USP13: variants seen among roughly 807,000 people sequenced by gnomAD.
The protein encoded by USP13 is ubiquitin carboxyl-terminal hydrolase 13.
In USP13, 68 loss-of-function variants were observed where a neutral mutation model predicts 107.8. That is an observed-to-expected ratio of 0.63 (90% CI 0.52 to 0.77). USP13 has a LOEUF of 0.77. Ranked by LOEUF, USP13 falls within the 30% of genes least tolerant of loss-of-function variation. The pLI is 0.00. For missense variants in USP13, 945 were observed against 1,093.3 expected (o/e 0.86, Z 1.91); for synonymous variants, 377 against 389.5 (o/e 0.97, Z 0.38).
At chr3:179,753,798 C>T (rs1180420558) in intron 14 of USP13, among the ~76,000 whole-genome samples, 1 of 152,140 alleles carries the variant, frequency 6.6e-6, no homozygotes, top group Non-Finnish European at 1.5e-5. Context: ...AAGATGTATC[C>T]TGTACCAATA....
intron 4 of USP13, among the ~76,000 whole-genome samples, chr3:179,701,780 C>T (rs1335713800): frequency 6.6e-6 from 1 of 151,992 alleles, no homozygotes; most frequent in African/African-American, 2.4e-5. Context: ...CTTCCTTTTC[C>T]TTTCTTTCGA....
chr3:179,767,581 C>T (rs1328763124), intron 19 of USP13, among the ~76,000 whole-genome samples: 3 of 152,148 alleles, frequency 2.0e-5, no homozygotes, highest in African/African-American at 2.4e-5. Context: ...TGGGCCACCA[C>T]GCTCCCTTGT....
intron 1 of USP13, among the ~76,000 whole-genome samples, chr3:179,657,744 CAG>C (rs1269167900): frequency 1.9e-5 from 2 of 105,578 alleles, no homozygotes; most frequent in Non-Finnish European, 3.4e-5. Flanking sequence ...AGCCTGGTGA[CAG>C]AGGGGAATTC....
At chr3:179,668,262 G>A (rs1472018967) in intron 1 of USP13, among the ~76,000 whole-genome samples, 1 of 151,892 alleles carries the variant, frequency 6.6e-6, no homozygotes, top group African/African-American at 2.4e-5. Flanking sequence ...AGCCTTTTGA[G>A]TAGCTGGGAC....
At chr3:179,723,123 C>G (rs932294938) in intron 8 of USP13, among the ~76,000 whole-genome samples, 2 of 152,124 alleles carry the variant, frequency 1.3e-5, no homozygotes, top group African/African-American at 4.8e-5. Flanking sequence ...AGGTGACATG[C>G]CAGGAATAGT....
chr3:179,774,611 T>C (rs1455371344), intron 19 of USP13, among the ~76,000 whole-genome samples: 1 of 152,142 alleles, frequency 6.6e-6, no homozygotes, highest in East Asian at 1.9e-4. Flanking sequence ...ACCTTTGCAG[T>C]GATTACAGCT....
intron 4 of USP13, among the ~76,000 whole-genome samples, chr3:179,706,116 C>T (rs1338426094): frequency 1.3e-5 from 2 of 150,480 alleles, no homozygotes; most frequent in Non-Finnish European, 3.0e-5. Context: ...GGATATATAC[C>T]TATGGTAGAA....
chr3:179,706,991 C>G lies in USP13; in HGVS notation c.535C>G (p.Pro179Ala). The change falls in exon 5 of 21, where the codon CCA becomes GCA. Residue 179 changes from proline (P) to alanine (A), a missense_variant. Coordinates refer to ENST00000263966, the MANE Select transcript of USP13 (RefSeq NM_003940.3). Reference sequence around the variant, plus strand: ...AAAATCTCCATACAGAAAGCAGGACCCAGACACGTGGGAAAATGAATTGCC... The same window carrying G: ...AAAATCTCCATACAGAAAGCAGGACGCAGACACGTGGGAAAATGAATTGCC... Reference protein sequence around the residue: ...SSKSPYRKQDPDTWENELPVS... With the variant: ...SSKSPYRKQDADTWENELPVS... 6.2e-7 allele frequency: 1 copy of G among 1,614,046 alleles called. No individual in the cohort carries two copies. Among genetic ancestry groups the G allele is most frequent in the South Asian group, 1.1e-5 (1 of 91,058 alleles).
intron 10 of USP13, among the ~76,000 whole-genome samples, chr3:179,735,227 G>A (rs1713954823): frequency 1.3e-5 from 2 of 152,194 alleles, no homozygotes; most frequent in Admixed American, 1.3e-4. Flanking sequence ...TTCCCTGAAG[G>A]CAGGGCCGAC....
At chr3:179,703,895 T>G (rs1239730192) in intron 4 of USP13, among the ~76,000 whole-genome samples, 1 of 152,266 alleles carries the variant, frequency 6.6e-6, no homozygotes, top group Non-Finnish European at 1.5e-5. Context: ...TAACGTTTTA[T>G]AATGGCTGTG....
chr3:179,700,423 T>A (rs1025435503), intron 3 of USP13, among the ~76,000 whole-genome samples: 1 of 152,204 alleles, frequency 6.6e-6, no homozygotes, highest in African/African-American at 2.4e-5. Flanking sequence ...ATCTCCTGTA[T>A]AAACTATGTG....
intron 1 of USP13, among the ~76,000 whole-genome samples, chr3:179,679,179 T>C (rs1375163390): frequency 6.6e-6 from 1 of 152,154 alleles, no homozygotes; most frequent in Non-Finnish European, 1.5e-5. Flanking sequence ...TAAACAATTA[T>C]TGGAATTTTA....
At chr3:179,706,839 T>G in intron 4 of USP13, 95 bp from the exon 5 acceptor site, 1 of 1,406,150 alleles carries the variant, frequency 7.1e-7, no homozygotes, top group Admixed American at 2.6e-5. Flanking sequence ...GTTTCTTCAG[T>G]TTTTAAATTC....
chr3:179,740,297 G>T lies in USP13; in HGVS notation c.1305G>T (p.Lys435Asn). 1.2e-6 allele frequency: 2 copies of T among 1,614,146 alleles called. No homozygotes were observed. The highest frequency in any genetic ancestry group is 1.7e-6 in the Non-Finnish European group (2 of 1,180,030). ...GCATGTTTAAGGCCTTTGTAAGCAA[G>T]AGCCACCCGGAATTCTCCTCTAACA... ...SPRMFKAFVS[K>N]SHPEFSSNRQ... Residue 435 changes from lysine (K) to asparagine (N), a missense_variant, in exon 11 of 21, where the codon AAG becomes AAT. Physicochemically the swap from Lys to Asn is moderately conservative, Grantham distance 94. Transcript: ENST00000263966.
At chr3:179,695,068 A>G (rs1712245821) in intron 3 of USP13, among the ~76,000 whole-genome samples, 1 of 152,316 alleles carries the variant, frequency 6.6e-6, no homozygotes, top group Admixed American at 6.5e-5. Context: ...GGAGGCAGCT[A>G]GTAGCCTCTG....
intron 19 of USP13, among the ~76,000 whole-genome samples, chr3:179,769,170 CAT>C (rs1176758662): frequency 6.6e-6 from 1 of 152,024 alleles, no homozygotes; most frequent in Admixed American, 6.5e-5. Context: ...ATGTAATTAA[CAT>C]GTGATTAACA....
intron 19 of USP13, among the ~76,000 whole-genome samples, chr3:179,780,795 A>G (rs981839383): frequency 8.5e-5 from 13 of 152,370 alleles, no homozygotes; most frequent in African/African-American, 2.9e-4. Flanking sequence ...GGGGTAAGAG[A>G]AAAACTCTGT....
At chr3:179,736,007 T>C (rs1378621142) in intron 10 of USP13, among the ~76,000 whole-genome samples, 1 of 152,180 alleles carries the variant, frequency 6.6e-6, no homozygotes, top group East Asian at 1.9e-4. Context: ...ACCATTGCCA[T>C]CCAGCCTGGG....
chr3:179,732,029 C>T (rs1027141303), intron 10 of USP13, among the ~76,000 whole-genome samples: 2 of 150,268 alleles, frequency 1.3e-5, no homozygotes, highest in Admixed American at 6.6e-5. Flanking sequence ...TAGAGGCAGC[C>T]TTGGGGATGG....
Sources: gnomAD v4.1 joint callset for allele counts (sites outside exome capture counted in the v4.1 genomes callset) on GRCh38, gnomAD v4.1.1 for gene constraint, MANE v1.5 for transcripts, NCBI Gene and HGNC (gene_info 2026-07-23, HGNC 2026-07-21) for gene names.